Variants in NRXN3 observed in about 807,000 individuals in gnomAD.
The protein encoded by NRXN3 is neurexin 3.
Under a neutral mutation model 137.6 loss-of-function variants are expected in NRXN3, and 32 were observed. That is an observed-to-expected ratio of 0.23 (90% CI 0.18 to 0.31). NRXN3 has a LOEUF of 0.31. Among genes scored for constraint, NRXN3 ranks in the 10% least tolerant of loss-of-function variants. The pLI is 1.00. For missense variants in NRXN3, 1,574 were observed against 2,062.5 expected (o/e 0.76, Z 4.59); for synonymous variants, 798 against 784.5 (o/e 1.02, Z -0.29).
At chr14:78,744,701 T>A (rs544200562) in intron 8 of NRXN3, 1 of 152,340 alleles carries the variant, frequency 6.6e-6, no homozygotes, top group African/African-American at 2.4e-5. Flanking sequence ...CACCTTTTTT[T>A]AATGACGCTG....
At chr14:78,803,544 T>C in intron 8 of NRXN3, 76 bp from the exon 9 acceptor site, 1 of 1,383,048 alleles carries the variant, frequency 7.2e-7, no homozygotes, top group South Asian at 1.2e-5. Flanking sequence ...TCTACTCGCT[T>C]AGCCTGAAAG....
chr14:79,389,181 A>G (rs2094754409), intron 15 of NRXN3, among the ~76,000 whole-genome samples: 1 of 152,190 alleles, frequency 6.6e-6, no homozygotes, highest in South Asian at 2.1e-4. Flanking sequence ...TGCTGCTATA[A>G]CAGAATACCT....
At chr14:78,908,058 G>A (rs1394654691) in intron 10 of NRXN3, among the ~76,000 whole-genome samples, 2 of 151,978 alleles carry the variant, frequency 1.3e-5, no homozygotes, top group African/African-American at 2.4e-5. Context: ...GGACATTTAG[G>A]TTGATTCCAT....
At chr14:79,702,703 C>T (rs568638843) in intron 19 of NRXN3, among the ~76,000 whole-genome samples, 1 of 152,032 alleles carries the variant, frequency 6.6e-6, no homozygotes, top group Admixed American at 6.6e-5. Context: ...AATTGGGTTC[C>T]CTGTGTACCT....
At chr14:78,256,333 G>A (rs900979651) in intron 2 of NRXN3, among the ~76,000 whole-genome samples, 2 of 152,348 alleles carry the variant, frequency 1.3e-5, no homozygotes, top group East Asian at 3.9e-4. Context: ...CAGGAAAGCC[G>A]AAGGAATCCG....
rs1030742211 is a variant in NRXN3 at position 79,390,185 on chromosome 14, C to T, written c.3263-77036C>T. Among the ~76,000 whole-genome samples, 8 of 151,972 alleles carry T rather than the reference C, an allele frequency of 5.3e-5. No homozygotes were observed. In the South Asian group the frequency reaches 1.0e-3, roughly 20 times the overall value. On this transcript the variant is annotated intron_variant, in intron 15 of 20. Transcript: ENST00000335750. Reference sequence around the variant, plus strand: ...ACAAAAAATTAGGCGGGCGCGGTGGCGGGCACCTGTAGTCCCAGCTACTCG... The same window carrying T: ...ACAAAAAATTAGGCGGGCGCGGTGGTGGGCACCTGTAGTCCCAGCTACTCG...
chr14:78,920,018 G>C (rs1400472017), intron 10 of NRXN3, among the ~76,000 whole-genome samples: 1 of 152,162 alleles, frequency 6.6e-6, no homozygotes, highest in Non-Finnish European at 1.5e-5. Flanking sequence ...AAATAAAGAA[G>C]TTGAAATTTT....
intron 8 of NRXN3, among the ~76,000 whole-genome samples, chr14:78,736,459 A>G (rs1282691929): frequency 6.6e-6 from 1 of 152,210 alleles, no homozygotes; most frequent in Non-Finnish European, 1.5e-5. Flanking sequence ...AGGGTATAAT[A>G]ATATTAGCCA....
At chr14:79,146,118 C>T (rs935335046) in intron 15 of NRXN3, among the ~76,000 whole-genome samples, 1 of 152,042 alleles carries the variant, frequency 6.6e-6, no homozygotes, top group Admixed American at 6.6e-5. Flanking sequence ...GCATTTAATC[C>T]TCATAGCCTT....
At chr14:78,618,023 A>G (rs137862956) in intron 4 of NRXN3, among the ~76,000 whole-genome samples, 22 of 151,882 alleles carry the variant, frequency 1.4e-4, no homozygotes, top group Admixed American at 1.1e-3. Context: ...CTATTTATCA[A>G]TCAATCATTC....
chr14:78,992,581 C>T (rs1466418028), intron 15 of NRXN3, among the ~76,000 whole-genome samples: 1 of 152,198 alleles, frequency 6.6e-6, no homozygotes, highest in Non-Finnish European at 1.5e-5. Flanking sequence ...TTGTCACTGT[C>T]AGCCTGCTGT....
intron 1 of NRXN3, among the ~76,000 whole-genome samples, chr14:78,198,050 C>G (rs565310521): frequency 6.6e-6 from 1 of 152,154 alleles, no homozygotes; most frequent in Non-Finnish European, 1.5e-5. Flanking sequence ...AAGATACGAC[C>G]AGGCCCTGCT....
At chr14:78,514,466 C>T (rs554653815) in intron 4 of NRXN3, among the ~76,000 whole-genome samples, 1 of 152,078 alleles carries the variant, frequency 6.6e-6, no homozygotes, top group East Asian at 1.9e-4. Context: ...GAAGGTAGAC[C>T]CTTTGTGCCA....
chr14:79,656,195 C>T (rs1016828612), intron 16 of NRXN3, among the ~76,000 whole-genome samples: 10 of 152,134 alleles, frequency 6.6e-5, no homozygotes, highest in Non-Finnish European at 1.3e-4. Context: ...GGTGGTTCCT[C>T]ACAGCTGTGG....
At chr14:78,238,231 C>T (rs764320822) in intron 1 of NRXN3, among the ~76,000 whole-genome samples, 104 of 146,870 alleles carry the variant, frequency 7.1e-4, no homozygotes, top group Non-Finnish European at 1.1e-3. Context: ...GTGTGCCGTT[C>T]GATAATTATG....
At chr14:78,725,831 T>C (rs899368389) in intron 8 of NRXN3, among the ~76,000 whole-genome samples, 1 of 152,238 alleles carries the variant, frequency 6.6e-6, no homozygotes, top group African/African-American at 2.4e-5. Flanking sequence ...TATAGGAATA[T>C]GTACTCTTAT....
intron 4 of NRXN3, among the ~76,000 whole-genome samples, chr14:78,416,429 C>T (rs997300839): frequency 6.6e-6 from 1 of 152,124 alleles, no homozygotes; most frequent in African/African-American, 2.4e-5. Context: ...TGAACCAGGA[C>T]AAACTCAGTG....
intron 5 of NRXN3, among the ~76,000 whole-genome samples, chr14:78,647,458 T>C (rs2097698719): frequency 6.6e-6 from 1 of 152,218 alleles, no homozygotes; most frequent in African/African-American, 2.4e-5. Flanking sequence ...GATTATGAGC[T>C]CATCCATGGT....
chr14:78,240,948 T>C (rs1389242867), intron 1 of NRXN3, among the ~76,000 whole-genome samples: 1 of 152,186 alleles, frequency 6.6e-6, no homozygotes, highest in Non-Finnish European at 1.5e-5. Flanking sequence ...TGCCAGGTAA[T>C]AAGCAGCAAC....
Sources: allele counts gnomAD v4.1 joint callset (sites outside exome capture counted in the v4.1 genomes callset), GRCh38; gene constraint gnomAD v4.1.1; transcripts MANE v1.5; gene names NCBI Gene and HGNC (gene_info 2026-07-23, HGNC 2026-07-21).